CLCN6: variants seen among roughly 807,000 people sequenced by gnomAD.
CLCN6 encodes H(+)/Cl(-) exchange transporter 6.
CLCN6 carries 70 observed loss-of-function variants against 109.8 expected under a neutral mutation model. The ratio of observed to expected loss-of-function variants is 0.64; its 90% CI spans 0.53 to 0.78. The LOEUF is 0.78. Ranked by LOEUF, CLCN6 falls within the 30% of genes least tolerant of loss-of-function variation. The pLI is 0.00. For synonymous variants in CLCN6, 444 were observed against 447.8 expected (o/e 0.99, Z 0.11); for missense variants, 984 against 1,142.3 (o/e 0.86, Z 2.00).
intron 4 of CLCN6, among the ~76,000 whole-genome samples, chr1:11,819,043 A>G (rs921688664): frequency 1.3e-5 from 2 of 152,248 alleles, no homozygotes; most frequent in African/African-American, 4.8e-5. Context: ...ACACAGATTC[A>G]TATACCTTTT....
chr1:11,810,339 T>G (rs1456964345), intron 2 of CLCN6, among the ~76,000 whole-genome samples: 1 of 152,190 alleles, frequency 6.6e-6, no homozygotes, highest in Non-Finnish European at 1.5e-5. Context: ...AACAGGAATG[T>G]TTTCATGCAG....
chr1:11,810,939 C>T (rs2100604932), intron 2 of CLCN6, among the ~76,000 whole-genome samples: 1 of 152,224 alleles, frequency 6.6e-6, no homozygotes, highest in South Asian at 2.1e-4. Context: ...GGGCCGGGTG[C>T]AGTGGCCCAC....
chr1:11,813,587 C>T lies in CLCN6; in HGVS notation c.148-2259C>T, dbSNP rs180822275. Among the ~76,000 whole-genome samples the T allele has an allele frequency of 2.7e-3, 405 of 152,166 alleles. 3 individuals are homozygous for T. The highest frequency in any genetic ancestry group is 8.4e-3 in the African/African-American group (350 of 41,510). ...TGTATTTTTGGTAGAGACGGGGTTT[C>T]GCCATGTTGGCCGGGCTGGTCTCAA... On this transcript the variant is annotated intron_variant, in intron 2 of 22. Coordinates refer to ENST00000346436, the MANE Select transcript of CLCN6 (RefSeq NM_001286.5).
intron 22 of CLCN6, among the ~76,000 whole-genome samples, chr1:11,839,633 G>T (rs1178024506): frequency 6.6e-6 from 1 of 152,210 alleles, no homozygotes; most frequent in Non-Finnish European, 1.5e-5. Flanking sequence ...GTTGCAGTAG[G>T]TTAACTTATG....
In CLCN6 at chr1:11,817,085, C is replaced by CT. The variant is rs147332335; in HGVS notation, c.279+415dup. The stretch of plus-strand genomic sequence containing the variant: ...GAGTAAATAATGGAAGTTAAAGTTA[C>CT]TTTTTTTTTTCTTTTAATTTAAATA... On this transcript the variant is annotated intron_variant, in intron 4 of 22. Coordinates refer to ENST00000346436, the MANE Select transcript of CLCN6 (RefSeq NM_001286.5). Among the ~76,000 whole-genome samples, 6 of 149,828 alleles carry CT rather than the reference C, an allele frequency of 4.0e-5. No homozygotes were observed. The East Asian group carries it at 5.9e-4, about 15-fold the overall frequency.
intron 2 of CLCN6, among the ~76,000 whole-genome samples, chr1:11,811,737 C>G (rs13375493): frequency 0.016 from 2,433 of 152,258 alleles, 73 homozygotes; most frequent in African/African-American, 0.054. Context: ...ACCCTGCACT[C>G]ATTAGCAGCC....
At chr1:11,816,199 G>C (rs966461029) in intron 3 of CLCN6, among the ~76,000 whole-genome samples, 2 of 152,168 alleles carry the variant, frequency 1.3e-5, no homozygotes, top group African/African-American at 4.8e-5. Flanking sequence ...AATTAAGGTA[G>C]GTACATTTTT....
chr1:11,836,729 C>CA (rs1378048030), intron 18 of CLCN6, among the ~76,000 whole-genome samples: 2 of 152,148 alleles, frequency 1.3e-5, no homozygotes, highest in Non-Finnish European at 2.9e-5. Context: ...AAAATTCTAT[C>CA]AAGACAGGAT....
Position 11,835,959 on chromosome 1 carries a change from T to C in CLCN6, c.1794-8T>C. 6.2e-7 allele frequency: 1 copy of C among 1,610,232 alleles called. No homozygotes were observed. Among genetic ancestry groups the C allele is most frequent in the Non-Finnish European group, 8.5e-7 (1 of 1,178,286 alleles). On this transcript the variant is annotated splice_region_variant and splice_polypyrimidine_tract_variant and intron_variant, in intron 17 of 22. Coordinates refer to ENST00000346436, the MANE Select transcript of CLCN6 (RefSeq NM_001286.5). Reference sequence around the variant, plus strand: ...CATGAGGCTGGATGACTTGCCCTCCTCCCCCAGGCTGAGAGCCAGCGACAT... The same window carrying C: ...CATGAGGCTGGATGACTTGCCCTCCCCCCCCAGGCTGAGAGCCAGCGACAT...
Position 11,826,335 on chromosome 1 carries a change from G to T in CLCN6, c.707+121G>T, listed in dbSNP as rs1002671320. The T allele has an allele frequency of 5.1e-6, 4 of 787,378 alleles. No homozygotes were observed. The East Asian group carries it at 7.6e-5, about 15-fold the overall frequency. 48.8% of individuals were successfully genotyped at this position (787,378 alleles called of 1,614,324 possible). A position where few individuals can be genotyped will look rare whatever the true frequency, so the allele number is the denominator to read the frequency against. ...CTGCGGGGAAACCCGACTGGGAGAAGGGGGCGGGCTTTGAACTTTTCTTCT... is the reference window on the plus strand; with the variant it reads ...CTGCGGGGAAACCCGACTGGGAGAATGGGGCGGGCTTTGAACTTTTCTTCT... On this transcript the variant is annotated intron_variant, in intron 9 of 22. Transcript: ENST00000346436.
At chr1:11,827,744 G>C (rs902016408) in intron 10 of CLCN6, among the ~76,000 whole-genome samples, 2 of 152,206 alleles carry the variant, frequency 1.3e-5, no homozygotes, top group Non-Finnish European at 2.9e-5. Context: ...ACATGAAAAT[G>C]TGAAACTGGC....
chr1:11,832,335 C>A (rs533874085), intron 13 of CLCN6, among the ~76,000 whole-genome samples: 12 of 152,382 alleles, frequency 7.9e-5, no homozygotes, highest in Non-Finnish European at 1.5e-4. Context: ...TTAGCAGACA[C>A]ACTGATTTCC....
chr1:11,835,772 T>A lies in CLCN6; in HGVS notation c.1794-195T>A, dbSNP rs370556268. 5.9e-5 allele frequency among the ~76,000 whole-genome samples: 9 copies of A among 152,160 alleles called. No individual in the cohort carries two copies. The East Asian group carries it at 1.7e-3, about 29-fold the overall frequency. On this transcript the variant is annotated intron_variant, in intron 17 of 22. Coordinates refer to ENST00000346436, the MANE Select transcript of CLCN6 (RefSeq NM_001286.5). Reference sequence around the variant, plus strand: ...AGCCTGGTACAGCAGGGTACGACATTCCAGGTGCGGGAACAGCATGTGTCG... The same window carrying A: ...AGCCTGGTACAGCAGGGTACGACATACCAGGTGCGGGAACAGCATGTGTCG...
rs769029146 is a variant in CLCN6, at chr1:11,807,111, C to CT, written c.88-19dup. 23 of 1,613,076 alleles carry CT rather than the reference C, an allele frequency of 1.4e-5. No individual in the cohort carries two copies. The highest frequency in any genetic ancestry group is 1.9e-5 in the Non-Finnish European group (22 of 1,179,134). ...TCCTAACCACTAAAAAAGGCTCCCT[C>CT]TGCGGATCTGTTTTTCTAGACCATC... On this transcript the variant is annotated intron_variant, in intron 1 of 22. Transcript: ENST00000346436.
At chr1:11,808,531 C>G (rs997031972) in intron 2 of CLCN6, among the ~76,000 whole-genome samples, 2 of 152,162 alleles carry the variant, frequency 1.3e-5, no homozygotes, top group Non-Finnish European at 2.9e-5. Context: ...TTAGGAATTT[C>G]TTGATATCAA....
chr1:11,834,241 T>C lies in CLCN6; in HGVS notation c.1532T>C (p.Ile511Thr). 1.9e-6 allele frequency: 3 copies of C among 1,612,262 alleles called. No homozygotes were observed. Among genetic ancestry groups the C allele is most frequent in the Non-Finnish European group, 2.5e-6 (3 of 1,179,224 alleles). ...TCGGTGTTTTCCTTCACTAGCTACA[T>C]TGGATTGGGCCACATCTATTCGGGG... ...RLVANVLKSY[I>T]GLGHIYSGTF... Residue 511 changes from isoleucine (I) to threonine (T), a missense_variant, in exon 16 of 23, where the codon ATT (isoleucine) becomes ACT (threonine). By Grantham distance (89) the Ile-to-Thr change is moderately conservative. Transcript: ENST00000346436. The surrounding 1 kb of genome is among the most constrained non-coding windows in gnomAD (Gnocchi z 4.5).
At position 11,836,979 on chromosome 1, in the gene CLCN6, T is replaced by A. The variant is rs780458777; in HGVS notation, c.1981-20T>A. On this transcript the variant is annotated intron_variant, in intron 18 of 22. Transcript: ENST00000346436. ...GTTCGTTTGCCCATGCGCAGTAGCC[T>A]GTGGCCTCCCCACCCACAGAAATCC... 6 of 1,605,374 alleles carry A rather than the reference T, an allele frequency of 3.7e-6. No homozygotes were observed. The highest frequency in any genetic ancestry group is 4.2e-6 in the Non-Finnish European group (5 of 1,179,938).
At chr1:11,827,638 T>C (rs911103972) in intron 10 of CLCN6, among the ~76,000 whole-genome samples, 8 of 152,046 alleles carry the variant, frequency 5.3e-5, no homozygotes, top group African/African-American at 1.7e-4. Context: ...GCTTCTGACA[T>C]CAGGTGATCC....
intron 3 of CLCN6, 76 bp downstream of exon 3, chr1:11,815,987 C>CA (rs1378539363): frequency 9.4e-7 from 1 of 1,062,050 alleles, no homozygotes; most frequent in African/African-American, 1.6e-5. Flanking sequence ...CTAAAGGCCC[C>CA]AGTAAACATC....
Sources: allele counts gnomAD v4.1 joint callset (sites outside exome capture counted in the v4.1 genomes callset), GRCh38; gene constraint gnomAD v4.1.1; non-coding constraint Gnocchi (gnomAD v3.1); transcripts MANE v1.5; gene names NCBI Gene and HGNC (gene_info 2026-07-23, HGNC 2026-07-21).